TEAD1: variants seen among roughly 807,000 people sequenced by gnomAD.
TEAD1 encodes TEA domain transcription factor 1.
Under a neutral mutation model 54.9 loss-of-function variants are expected in TEAD1, and 9 were observed. The ratio of observed to expected loss-of-function variants is 0.16; its 90% confidence interval spans 0.10 to 0.29. The LOEUF (loss-of-function observed/expected upper bound fraction) is 0.29. Ranked by LOEUF, TEAD1 falls within the 10% of genes least tolerant of loss-of-function variation. TEAD1 has a pLI of 1.00. For synonymous variants in TEAD1, 200 were observed against 187.8 expected, an observed-to-expected ratio of 1.07 and a Z score of -0.53; for missense variants, 387 against 535.9, an observed-to-expected ratio of 0.72 and a Z score of 2.74.
intron 3 of TEAD1, among the ~76,000 whole-genome samples, chr11:12,787,349 A>G (rs894165728): frequency 1.6e-4 from 25 of 152,130 alleles, no homozygotes; most frequent in Admixed American, 3.3e-4. Context: ...GCAGTTATCT[A>G]CCTCTTTTTT....
intron 2 of TEAD1, among the ~76,000 whole-genome samples, chr11:12,727,894 C>CT (rs921926565): frequency 7.9e-4 from 117 of 148,728 alleles, no homozygotes; most frequent in African/African-American, 2.1e-3. Flanking sequence ...ATATCCATAT[C>CT]TTTTTTTTTT....
At chr11:12,797,372 A>G (rs1224856563) in intron 3 of TEAD1, among the ~76,000 whole-genome samples, 1 of 152,132 alleles carries the variant, frequency 6.6e-6, no homozygotes, top group African/African-American at 2.4e-5. Context: ...TGTAGCATGC[A>G]TTTGGTCCTC....
chr11:12,706,287 T>C (rs1041861345), intron 2 of TEAD1, among the ~76,000 whole-genome samples: 1 of 152,196 alleles, frequency 6.6e-6, no homozygotes, highest in Non-Finnish European at 1.5e-5. Flanking sequence ...ATAAGAAATA[T>C]TCTACATTAA....
intron 3 of TEAD1, among the ~76,000 whole-genome samples, chr11:12,769,292 C>A (rs908673082): frequency 6.6e-6 from 1 of 152,080 alleles, no homozygotes; most frequent in African/African-American, 2.4e-5. Flanking sequence ...CCCACCAGGA[C>A]AGCATAGGAC....
intron 2 of TEAD1, among the ~76,000 whole-genome samples, chr11:12,760,910 T>A (rs1945089684): frequency 6.6e-6 from 1 of 152,168 alleles, no homozygotes; most frequent in Non-Finnish European, 1.5e-5. Context: ...TGCCCATATG[T>A]AAAGTCTTCA....
At chr11:12,759,195 G>A (rs549308624) in intron 2 of TEAD1, among the ~76,000 whole-genome samples, 2 of 152,266 alleles carry the variant, frequency 1.3e-5, no homozygotes, top group South Asian at 4.1e-4. Context: ...TTAAGATGAA[G>A]GGAGCAGCAA....
chr11:12,759,740 T>G (rs1945064232), intron 2 of TEAD1, among the ~76,000 whole-genome samples: 1 of 152,158 alleles, frequency 6.6e-6, no homozygotes, highest in African/African-American at 2.4e-5. Flanking sequence ...TGAATGCCTG[T>G]AATCCCAGCT....
At chr11:12,870,851 A>C (rs1000193013) in intron 5 of TEAD1, among the ~76,000 whole-genome samples, 16 of 152,148 alleles carry the variant, frequency 1.1e-4, no homozygotes, top group Non-Finnish European at 1.9e-4. Context: ...GTACTGCTGT[A>C]CCCCAGCCTG....
intron 2 of TEAD1, among the ~76,000 whole-genome samples, chr11:12,694,200 G>A (rs187471386): frequency 9.8e-5 from 15 of 152,312 alleles, no homozygotes; most frequent in Admixed American, 5.2e-4. Flanking sequence ...GGACATGCAA[G>A]CCGACACTAG....
chr11:12,688,270 C>G (rs527839398), intron 2 of TEAD1, among the ~76,000 whole-genome samples: 1 of 152,258 alleles, frequency 6.6e-6, no homozygotes, highest in African/African-American at 2.4e-5. Flanking sequence ...CCTTCATAAT[C>G]AGGACTCTGA....
intron 3 of TEAD1, among the ~76,000 whole-genome samples, chr11:12,799,402 G>A (rs1946004122): frequency 6.6e-6 from 1 of 152,104 alleles, no homozygotes; most frequent in Admixed American, 6.6e-5. Flanking sequence ...TCCCAATTAG[G>A]TGTCGAGTTC....
intron 9 of TEAD1, among the ~76,000 whole-genome samples, chr11:12,885,068 A>T (rs1948059189): frequency 6.6e-6 from 1 of 152,044 alleles, no homozygotes; most frequent in African/African-American, 2.4e-5. Flanking sequence ...TTTCCCCATG[A>T]TAGGTTCTGT....
intron 9 of TEAD1, among the ~76,000 whole-genome samples, chr11:12,896,621 A>G (rs1318371762): frequency 6.6e-6 from 1 of 152,210 alleles, no homozygotes; most frequent in Non-Finnish European, 1.5e-5. Flanking sequence ...GCTGGAGAAT[A>G]AGGTCATTCT....
chr11:12,914,942 T>G (rs929395617), intron 10 of TEAD1, among the ~76,000 whole-genome samples: 2 of 152,248 alleles, frequency 1.3e-5, no homozygotes, highest in African/African-American at 2.4e-5. Flanking sequence ...ATTTGAAATC[T>G]TGGTTCTTTG....
chr11:12,900,856 C>T (rs916458503), intron 9 of TEAD1, among the ~76,000 whole-genome samples: 1 of 152,178 alleles, frequency 6.6e-6, no homozygotes, highest in Non-Finnish European at 1.5e-5. Flanking sequence ...TGGAGTTTCT[C>T]AGTGAACCCT....
chr11:12,789,577 C>T (rs1376383151), intron 3 of TEAD1, among the ~76,000 whole-genome samples: 3 of 152,180 alleles, frequency 2.0e-5, no homozygotes, highest in South Asian at 4.1e-4. Flanking sequence ...AGAAGGTAGG[C>T]GGTGGGAACC....
intron 5 of TEAD1, among the ~76,000 whole-genome samples, chr11:12,872,147 A>G (rs187439666): frequency 5.1e-4 from 78 of 152,344 alleles, no homozygotes; most frequent in South Asian, 4.1e-3. Flanking sequence ...TCACTGGGGC[A>G]TTGCTAAAGT....
intron 3 of TEAD1, among the ~76,000 whole-genome samples, chr11:12,779,851 A>G (rs73423655): frequency 0.035 from 5,260 of 152,298 alleles, 325 homozygotes; most frequent in African/African-American, 0.12. Flanking sequence ...ACAGATACAG[A>G]AAAAGGATTT....
At chr11:12,680,855 G>T (rs1196055456) in intron 2 of TEAD1, among the ~76,000 whole-genome samples, 1 of 152,240 alleles carries the variant, frequency 6.6e-6, no homozygotes, top group East Asian at 1.9e-4. Flanking sequence ...GGCAGCAACA[G>T]GCGGCAGAAC....
Sources: gnomAD v4.1 joint callset for allele counts (sites outside exome capture counted in the v4.1 genomes callset) on GRCh38, gnomAD v4.1.1 for gene constraint, MANE v1.5 for transcripts, NCBI Gene and HGNC (gene_info 2026-07-23, HGNC 2026-07-21) for gene names.